The following ABHD12 variants were observed in gnomAD, a reference collection of about 807,000 sequenced individuals.
ABHD12 encodes abhydrolase domain containing 12, lysophospholipase.
A neutral mutation model predicts 58.3 loss-of-function variants in ABHD12; 43 were observed. The ratio of observed to expected loss-of-function variants is 0.74; its 90% CI spans 0.58 to 0.95. ABHD12 has a LOEUF of 0.95. ABHD12 is among the 40% of genes least tolerant of loss of function. The probability of loss-of-function intolerance (pLI) is 0.00; values close to 1 mark genes in which losing one functional copy is unlikely to be tolerated. For synonymous variants in ABHD12, 219 were observed against 211.2 expected, an observed-to-expected ratio of 1.04 and a Z score of -0.32; for missense variants, 539 against 537.2, an observed-to-expected ratio of 1.00 and a Z score of -0.03.
chr20:25,298,314 G>A (rs1352281691), downstream of ABHD12, among the ~76,000 whole-genome samples: 1 of 152,156 alleles, frequency 6.6e-6, no homozygotes, highest in East Asian at 1.9e-4. Flanking sequence ...TGCCCAGGCT[G>A]GAGTGCAGTG....
intron 2 of ABHD12, among the ~76,000 whole-genome samples, chr20:25,331,738 T>C (rs926864573): frequency 2.2e-4 from 33 of 152,190 alleles, no homozygotes; most frequent in African/African-American, 7.7e-4. Context: ...TAAAATACTT[T>C]ACAGACAAGC....
At chr20:25,310,377 TG>T (rs2145938850) in intron 6 of ABHD12, 1 of 152,352 alleles carries the variant, frequency 6.6e-6, no homozygotes, top group African/African-American at 2.4e-5. Flanking sequence ...CTACCATCTC[TG>T]CCCCCCAAAA....
chr20:25,352,274 G>A (rs2089611106), intron 1 of ABHD12, among the ~76,000 whole-genome samples: 2 of 151,114 alleles, frequency 1.3e-5, no homozygotes, highest in Admixed American at 6.6e-5. Flanking sequence ...TTACAGACAT[G>A]AGCCACCGCA....
intron 1 of ABHD12, among the ~76,000 whole-genome samples, chr20:25,381,038 C>T (rs1373409835): frequency 2.6e-5 from 4 of 152,220 alleles, no homozygotes; most frequent in African/African-American, 2.4e-5. Context: ...GCTGTCCCGG[C>T]CTGAGCCCCT....
At position 25,362,705 on chromosome 20, in the gene ABHD12, G is replaced by A. The variant is rs576344789; in HGVS notation, c.192-23354C>T. Among the ~76,000 whole-genome samples, 470 of 150,562 alleles carry A rather than the reference G, an allele frequency of 3.1e-3. 1 individual carries two copies. Among genetic ancestry groups the A allele is most frequent in the Non-Finnish European group, 5.4e-3 (367 of 67,686 alleles). On this transcript the variant is annotated intron_variant, in intron 1 of 12. Transcript: ENST00000339157. ...TCGTTGTTTTTTGAGACGGAGTTTC[G>A]CTCTTGTTGCCCAGGCTAGAGTGCA...
intron 6 of ABHD12, chr20:25,310,414 C>A (rs1455871387): frequency 2.0e-5 from 3 of 152,296 alleles, no homozygotes; most frequent in Non-Finnish European, 4.4e-5. Context: ...GGTCCCTCCC[C>A]CAGTCTCCAG....
chr20:25,373,680 GT>G lies in ABHD12; in HGVS notation c.191+16832del, dbSNP rs202171106. Among the ~76,000 whole-genome samples, 763 of 149,684 alleles carry G rather than the reference GT, an allele frequency of 5.1e-3. 10 individuals are homozygous for G. Among genetic ancestry groups the G allele is most frequent in the African/African-American group, 0.017 (709 of 40,890 alleles). On this transcript the variant is annotated intron_variant, in intron 1 of 12. Transcript: ENST00000339157. The stretch of plus-strand genomic sequence containing the variant: ...CTTTTTTCCTCTGGTTGGTTTGAAG[GT>G]TTTTTTTTTCTTTATCACTGATTTT...
At chr20:25,320,631 A>G (rs2089048860) in intron 3 of ABHD12, among the ~76,000 whole-genome samples, 1 of 152,236 alleles carries the variant, frequency 6.6e-6, no homozygotes, top group South Asian at 2.1e-4. Context: ...CTGGCAGAGA[A>G]GCAGCACTTA....
At chr20:25,361,816 G>A (rs535271867) in intron 1 of ABHD12, among the ~76,000 whole-genome samples, 19 of 152,116 alleles carry the variant, frequency 1.2e-4, no homozygotes, top group East Asian at 9.7e-4. Flanking sequence ...ATAGCTGGGC[G>A]TGGTGGCGGG....
chr20:25,299,561 TCAGGAGCTGAAGTGTGCGACGAGGC>T (rs1462318995), downstream of ABHD12, among the ~76,000 whole-genome samples: 1 of 151,202 alleles, frequency 6.6e-6, no homozygotes, highest in Non-Finnish European at 1.5e-5. Flanking sequence ...TGCTTCGTGG[TCAGGAGCTGAAGTGTGCGACGAGGC>T]CAGGAGACCA....
At chr20:25,390,473 ACCGGCCC>A in intron 1 of ABHD12, 33 bp downstream of exon 1, 2 of 843,598 alleles carry the variant, frequency 2.4e-6, no homozygotes, top group Non-Finnish European at 3.0e-6. Flanking sequence ...AAAGTGAGGG[ACCGGCCC>A]CCCCCCCCCC....
chr20:25,305,968 C>T lies in ABHD12; in HGVS notation c.950+865G>A, dbSNP rs546579460. On this transcript the variant is annotated intron_variant, in intron 10 of 12. Coordinates refer to ENST00000339157, the MANE Select transcript of ABHD12 (RefSeq NM_001042472.3). ...ATCACCCGAGATCAGGAGTTCGAGA[C>T]CAGCCCGGCCAACATGGTGAAACCC... is the stretch of plus-strand genomic sequence containing the variant. Among the ~76,000 whole-genome samples, 20 of 152,086 alleles carry T rather than the reference C, an allele frequency of 1.3e-4. No individual in the cohort carries two copies. In the South Asian group the frequency reaches 4.2e-3, roughly 32 times the overall value.
At chr20:25,326,194 G>T (rs763873163) in intron 2 of ABHD12, among the ~76,000 whole-genome samples, 28 of 151,500 alleles carry the variant, frequency 1.8e-4, no homozygotes, top group Non-Finnish European at 3.4e-4. Flanking sequence ...AGGGAGTGGG[G>T]GGAGGGAAAG....
chr20:25,308,150 G>T lies in ABHD12; in HGVS notation c.788-105C>A, dbSNP rs570842343. On this transcript the variant is annotated intron_variant, in intron 8 of 12. Transcript: ENST00000339157. ...CCAGAAAGCACAAGGAGACCACAGC[G>T]CCTCCCACCAGGCAACCACCTCGGC... The T allele has an allele frequency of 3.5e-6, 3 of 851,468 alleles. No individual in the cohort carries two copies. The African/African-American group carries it at 5.0e-5, about 14-fold the overall frequency. 52.7% of individuals were successfully genotyped at this position (851,468 alleles called of 1,614,324 possible).
At chr20:25,376,109 G>C (rs1364436297) in intron 1 of ABHD12, among the ~76,000 whole-genome samples, 1 of 151,992 alleles carries the variant, frequency 6.6e-6, no homozygotes, top group Non-Finnish European at 1.5e-5. Context: ...GCGACAGAGT[G>C]AGACTCTGTC....
intron 1 of ABHD12, among the ~76,000 whole-genome samples, chr20:25,345,186 A>G (rs967255090): frequency 2.0e-5 from 3 of 152,016 alleles, no homozygotes; most frequent in South Asian, 2.1e-4. Context: ...CCCAGGTTCA[A>G]GCTATTCTCC....
chr20:25,296,787 C>G (rs2088553924), downstream of ABHD12: 1 of 465,992 alleles, frequency 2.1e-6, no homozygotes, highest in Non-Finnish European at 3.8e-6. Flanking sequence ...AGCACCTGCC[C>G]CACCCAGAGT....
intron 1 of ABHD12, among the ~76,000 whole-genome samples, chr20:25,372,809 C>G (rs757149931): frequency 3.7e-4 from 57 of 152,320 alleles, no homozygotes; most frequent in Non-Finnish European, 7.3e-4. Context: ...AAACAAACCA[C>G]TGCAAGTTGT....
At chr20:25,302,974 ACT>A (rs1278417535) in intron 11 of ABHD12, among the ~76,000 whole-genome samples, 1 of 151,986 alleles carries the variant, frequency 6.6e-6, no homozygotes, top group Non-Finnish European at 1.5e-5. Context: ...CTCTTACCCT[ACT>A]CTGAGCCACA....
Sources: gnomAD v4.1 joint callset for allele counts (sites outside exome capture counted in the v4.1 genomes callset) on GRCh38, gnomAD v4.1.1 for gene constraint, MANE v1.5 for transcripts, NCBI Gene and HGNC (gene_info 2026-07-23, HGNC 2026-07-21) for gene names.